KLF8: variants seen among roughly 807,000 people sequenced by gnomAD.
KLF8 encodes the protein Krueppel-like factor 8.
In KLF8, 10 loss-of-function variants were observed where a neutral mutation model predicts 18.2. The observed-to-expected ratio is 0.55, with a 90% CI of 0.34 to 0.93. KLF8 has a LOEUF of 0.93. Ranked by LOEUF, KLF8 falls within the 40% of genes least tolerant of loss-of-function variation. The pLI, the probability that KLF8 is intolerant of heterozygous loss-of-function variation, is 0.02. For missense variants in KLF8, 264 were observed against 277.9 expected (o/e 0.95, Z 0.36); for synonymous variants, 109 against 97.3 (o/e 1.12, Z -0.71).
chrX:56,080,780 G>T, the KLF8 span, among the ~76,000 whole-genome samples: 2 of 111,498 alleles, frequency 1.8e-5, no homozygotes, highest in Non-Finnish European at 3.8e-5. Flanking sequence ...TCACTTTCAG[G>T]TATGCCAGTC....
At chrX:56,024,646 C>G in the KLF8 span, among the ~76,000 whole-genome samples, 2 of 111,920 alleles carry the variant, frequency 1.8e-5, no homozygotes, top group Admixed American at 9.4e-5. Flanking sequence ...ATTGATCGAG[C>G]AATCTAGGGG....
At chrX:56,064,602 C>G in the KLF8 span, among the ~76,000 whole-genome samples, 3 of 111,158 alleles carry the variant, frequency 2.7e-5, no homozygotes, top group East Asian at 5.6e-4. Context: ...CTTTATTTTT[C>G]TCTATTTATC....
the KLF8 span, among the ~76,000 whole-genome samples, chrX:55,960,450 G>A: frequency 9.0e-6 from 1 of 111,611 alleles, no homozygotes; most frequent in Non-Finnish European, 1.9e-5. Context: ...CAGGGGCAGA[G>A]GTTGCGGTGA....
the KLF8 span, among the ~76,000 whole-genome samples, chrX:55,957,840 G>A: frequency 1.8e-5 from 2 of 110,822 alleles, no homozygotes; most frequent in Non-Finnish European, 3.8e-5. Flanking sequence ...CACATAATGA[G>A]GCTTTACTTT....
chrX:56,063,098 T>C, the KLF8 span, among the ~76,000 whole-genome samples: 7 of 111,305 alleles, frequency 6.3e-5, no homozygotes, highest in African/African-American at 2.3e-4. Flanking sequence ...CTTTTTTGCA[T>C]TGAGTTAGAA....
the KLF8 span, among the ~76,000 whole-genome samples, chrX:55,946,394 C>A: frequency 9.0e-6 from 1 of 111,559 alleles, no homozygotes; most frequent in Admixed American, 9.6e-5. Context: ...GAAAGGATTC[C>A]CTATTTAATA....
chrX:56,031,268 A>T, the KLF8 span, among the ~76,000 whole-genome samples: 2 of 111,904 alleles, frequency 1.8e-5, no homozygotes, highest in African/African-American at 6.5e-5. Flanking sequence ...ACACACCTTT[A>T]TCGTTTATAC....
chrX:55,940,145 G>A, the KLF8 span, among the ~76,000 whole-genome samples: 5 of 111,458 alleles, frequency 4.5e-5, no homozygotes, highest in South Asian at 1.5e-3. Flanking sequence ...CCTGGCAAAC[G>A]GAATCCAGCA....
chrX:56,087,441 T>C, the KLF8 span, among the ~76,000 whole-genome samples: 3 of 110,122 alleles, frequency 2.7e-5, no homozygotes, highest in Non-Finnish European at 5.7e-5. Flanking sequence ...CCCTCACCCC[T>C]CTCTTGTTCC....
At chrX:55,942,457 A>G in the KLF8 span, among the ~76,000 whole-genome samples, 1 of 110,599 alleles carries the variant, frequency 9.0e-6, no homozygotes, top group African/African-American at 3.3e-5. Context: ...AACATTGCAC[A>G]TGTGTACATA....
At chrX:56,237,668 G>A (rs780921631) in intron 1 of KLF8, among the ~76,000 whole-genome samples, 1 of 112,033 alleles carries the variant, frequency 8.9e-6, no homozygotes, top group South Asian at 3.7e-4. Flanking sequence ...AACTTTTGCA[G>A]TGTTATTTGT....
the KLF8 span, among the ~76,000 whole-genome samples, chrX:55,934,151 T>C: frequency 8.9e-6 from 1 of 112,215 alleles, no homozygotes; most frequent in Non-Finnish European, 1.9e-5. Context: ...TTAGAACATC[T>C]ACATTTGCCT....
At chrX:55,962,240 A>G in the KLF8 span, 1 of 186,790 alleles carries the variant, frequency 5.4e-6, no homozygotes, top group Non-Finnish European at 1.1e-5. Flanking sequence ...GGCCAACCAC[A>G]TCATTAACAT....
the KLF8 span, among the ~76,000 whole-genome samples, chrX:56,052,975 C>A: frequency 2.7e-5 from 3 of 111,815 alleles, no homozygotes; most frequent in Non-Finnish European, 5.7e-5. Flanking sequence ...CGTGGTGGGC[C>A]GTTTTTTAAG....
the KLF8 span, among the ~76,000 whole-genome samples, chrX:56,075,809 T>A: frequency 8.9e-6 from 1 of 112,159 alleles, no homozygotes; most frequent in Non-Finnish European, 1.9e-5. Context: ...AACATAATGA[T>A]CTCCAGTTCC....
At chrX:55,964,173 C>G in the KLF8 span, among the ~76,000 whole-genome samples, 1 of 111,448 alleles carries the variant, frequency 9.0e-6, no homozygotes, top group East Asian at 2.8e-4. Flanking sequence ...GAACTTAGAT[C>G]TAAAGTTAAC....
the KLF8 span, among the ~76,000 whole-genome samples, chrX:56,004,715 G>T: frequency 9.0e-6 from 1 of 111,640 alleles, no homozygotes; most frequent in Non-Finnish European, 1.9e-5. Context: ...CCAGAGAAGA[G>T]GGGAGCCCAT....
At chrX:56,155,228 G>A in the KLF8 span, among the ~76,000 whole-genome samples, 2 of 111,638 alleles carry the variant, frequency 1.8e-5, no homozygotes, top group African/African-American at 3.3e-5. Flanking sequence ...ATGATAGACT[G>A]GATTAAGAAA....
At chrX:56,045,141 T>A in the KLF8 span, among the ~76,000 whole-genome samples, 2 of 111,998 alleles carry the variant, frequency 1.8e-5, no homozygotes, top group African/African-American at 6.5e-5. Flanking sequence ...CAGCACCATA[T>A]GTTGAATAGG....
Sources: allele counts gnomAD v4.1 joint callset (sites outside exome capture counted in the v4.1 genomes callset), GRCh38; gene constraint gnomAD v4.1.1; transcripts MANE v1.5; gene names NCBI Gene and HGNC (gene_info 2026-07-23, HGNC 2026-07-21).